The following ZDBF2 variants were observed in gnomAD, a reference collection of about 807,000 sequenced individuals.
ZDBF2 encodes DBF4-type zinc finger-containing protein 2.
ZDBF2 carries 6 observed loss-of-function variants against 9.4 expected under a neutral mutation model. The observed-to-expected ratio is 0.64, with a 90% CI of 0.35 to 1.27. The LOEUF (loss-of-function observed/expected upper bound fraction) is 1.27, where lower values mean the gene tolerates loss of function less well. Ranked by LOEUF, ZDBF2 falls within the 50% of genes most tolerant of loss-of-function variation. The probability of loss-of-function intolerance (pLI) is 0.03; values close to 1 mark genes in which losing one functional copy is unlikely to be tolerated. For synonymous variants in ZDBF2, 905 were observed against 946.3 expected (o/e 0.96, Z 0.80); for missense variants, 2,697 against 2,766.8 (o/e 0.97, Z 0.57).
intron 3 of ZDBF2, among the ~76,000 whole-genome samples, chr2:206,286,569 A>T (rs373694000): frequency 6.6e-6 from 1 of 151,952 alleles, no homozygotes; most frequent in African/African-American, 2.4e-5. Context: ...TCTTAAAAAA[A>T]AAAAAATAAA....
intron 3 of ZDBF2, among the ~76,000 whole-genome samples, chr2:206,284,023 G>A (rs1020918087): frequency 2.0e-5 from 3 of 152,060 alleles, no homozygotes; most frequent in Non-Finnish European, 4.4e-5. Flanking sequence ...TTGCTGTTTT[G>A]CTTATGTTTT....
intron 3 of ZDBF2, among the ~76,000 whole-genome samples, chr2:206,293,955 T>C (rs1692033716): frequency 6.6e-6 from 1 of 152,144 alleles, no homozygotes; most frequent in African/African-American, 2.4e-5. Flanking sequence ...AGGTTCTTCA[T>C]AGTATTATTA....
intron 3 of ZDBF2, among the ~76,000 whole-genome samples, chr2:206,294,936 C>G (rs148207622): frequency 6.6e-6 from 1 of 152,084 alleles, no homozygotes; most frequent in African/African-American, 2.4e-5. Context: ...GCATTTGTCC[C>G]CTTTAATCAC....
intron 4 of ZDBF2, among the ~76,000 whole-genome samples, chr2:206,301,145 C>G (rs1239351205): frequency 4.6e-5 from 7 of 151,966 alleles, no homozygotes; most frequent in Non-Finnish European, 8.8e-5. Flanking sequence ...ATATTTTATT[C>G]TATGATATGT....
Position 206,310,697 on chromosome 2 carries a change from A to G in ZDBF2, c.6169A>G (p.Ile2057Val), listed in dbSNP as rs1385595242. Reference sequence around the variant, plus strand: ...TATCTTTGATTATTATGAGCCCTTGATTAAGCAAATTGTAATTAGTCCTCC... The same window carrying G: ...TATCTTTGATTATTATGAGCCCTTGGTTAAGCAAATTGTAATTAGTCCTCC... ...RNIFDYYEPL[I>V]KQIVISPPLS... The change falls in exon 5 of 5, where the codon ATT (isoleucine) becomes GTT (valine). Residue 2057 changes from isoleucine (I) to valine (V), a missense_variant. Around this residue, in one of 3 missense-constraint regions of ZDBF2, gnomAD observed 1,783 missense variants for 1,776.5 expected, o/e 1.00. Transcript: ENST00000374423. The G allele has an allele frequency of 3.7e-6, 6 of 1,613,372 alleles. No homozygotes were observed. Among genetic ancestry groups the G allele is most frequent in the East Asian group, 2.2e-5 (1 of 44,882 alleles).
intron 3 of ZDBF2, among the ~76,000 whole-genome samples, chr2:206,288,926 A>G (rs985232462): frequency 2.6e-5 from 4 of 152,006 alleles, no homozygotes; most frequent in African/African-American, 9.7e-5. Flanking sequence ...GGGACTCAGC[A>G]GCAGCAGATA....
In ZDBF2 at chr2:206,309,060, A is replaced by G. The variant is rs1447906045; in HGVS notation, c.4532A>G (p.Asn1511Ser). The G allele has an allele frequency of 1.9e-6, 3 of 1,613,864 alleles. No homozygotes were observed. The highest frequency in any genetic ancestry group is 2.5e-6 in the Non-Finnish European group (3 of 1,179,846). The part of the protein sequence containing the change: ...DSDVPFQIVV[N>S]QFPGSVKETH... ...GATGTTCCTTTTCAAATAGTAGTTA[A>G]CCAATTTCCAGGATCAGTCAAAGAA... is the stretch of plus-strand genomic sequence containing the variant. The change falls in exon 5 of 5, where the codon AAC becomes AGC. Residue 1511 changes from asparagine to serine, a missense_variant. Transcript: ENST00000374423.
chr2:206,293,658 A>G (rs1692015903), intron 3 of ZDBF2, among the ~76,000 whole-genome samples: 3 of 152,218 alleles, frequency 2.0e-5, no homozygotes, highest in African/African-American at 7.2e-5. Flanking sequence ...CCAGATGGCT[A>G]GTAAATATGA....
rs527884744 is a variant in ZDBF2, at chr2:206,290,410, G to A, written c.61-6836G>A. On this transcript the variant is annotated intron_variant, in intron 3 of 4. Coordinates refer to ENST00000374423, the MANE Select transcript of ZDBF2 (RefSeq NM_020923.3). ...AGAAAAGCAGCTGGAATTCTGATAG[G>A]GATTGTGTTGAATCTGTAGATACAT... is the stretch of plus-strand genomic sequence containing the variant. Among the ~76,000 whole-genome samples the A allele has an allele frequency of 2.6e-4, 39 of 152,188 alleles. No individual in the cohort carries two copies. The East Asian group carries it at 7.3e-3, about 29-fold the overall frequency.
At chr2:206,296,547 T>A (rs762081236) in intron 3 of ZDBF2, among the ~76,000 whole-genome samples, 34 of 152,214 alleles carry the variant, frequency 2.2e-4, no homozygotes, top group Non-Finnish European at 3.8e-4. Flanking sequence ...GAAAAACATA[T>A]ATAGGTTTGG....
At chr2:206,277,567 A>C (rs968004093) in intron 1 of ZDBF2, among the ~76,000 whole-genome samples, 1 of 152,124 alleles carries the variant, frequency 6.6e-6, no homozygotes, top group African/African-American at 2.4e-5. Flanking sequence ...TTAACTGGGT[A>C]TGACATTGGG....
chr2:206,286,768 C>T (rs556894951), intron 3 of ZDBF2, among the ~76,000 whole-genome samples: 3 of 152,158 alleles, frequency 2.0e-5, no homozygotes, highest in African/African-American at 4.8e-5. Context: ...TTTTTAAAAT[C>T]GATTCAGCCC....
At chr2:206,277,605 C>T (rs1691087365) in intron 1 of ZDBF2, among the ~76,000 whole-genome samples, 1 of 151,632 alleles carries the variant, frequency 6.6e-6, no homozygotes, top group Non-Finnish European at 1.5e-5. Context: ...GATGATAATT[C>T]TGCTCTCAGA....
rs371303388 is a variant in ZDBF2 at position 206,306,738 on chromosome 2, A to G, written c.2210A>G (p.Asp737Gly). The G allele has an allele frequency of 1.2e-6, 2 of 1,613,704 alleles. No homozygotes were observed. Among genetic ancestry groups the G allele is most frequent in the Non-Finnish European group, 1.7e-6 (2 of 1,179,796 alleles). Reference protein sequence around the residue: ...DEVNLKELNIDMEVRSYDCSS... With the variant: ...DEVNLKELNIGMEVRSYDCSS... ...GTAAATCTTAAAGAGTTAAATATTG[A>G]CATGGAAGTTAGGAGCTATGATTGC... Residue 737 changes from aspartate to glycine, a missense_variant, in exon 5 of 5, where the codon GAC becomes GGC. By Grantham distance (94) the Asp-to-Gly change is moderately conservative (BLOSUM62 -1). This residue lies in a region of ZDBF2 where 910 missense variants were observed against 973.6 expected (regional missense o/e 0.93). Transcript: ENST00000374423.
At chr2:206,279,178 A>C (rs748526867) in intron 1 of ZDBF2, among the ~76,000 whole-genome samples, 1 of 152,294 alleles carries the variant, frequency 6.6e-6, no homozygotes, top group East Asian at 1.9e-4. Flanking sequence ...GTGGTACCTG[A>C]GCCTCGGGAA....
rs752630636 is a variant in ZDBF2, at chr2:206,308,362, C to G, written c.3834C>G (p.Val1278=). The stretch of plus-strand genomic sequence containing the variant: ...ATGTTGACTTGGAAAATAAGATTGT[C>G]AAACCTACAGATTCCAGAATAAATT... ...KEHVDLENKI[V]KPTDSRINFD... Residue 1278 remains valine, a synonymous_variant, in exon 5 of 5, where the codon GTC becomes GTG. Coordinates refer to ENST00000374423, the MANE Select transcript of ZDBF2 (RefSeq NM_020923.3). 3 of 1,612,802 alleles carry G rather than the reference C, an allele frequency of 1.9e-6. No individual in the cohort carries two copies. The highest frequency in any genetic ancestry group is 3.3e-5 in the Admixed American group (2 of 59,804).
At chr2:206,276,440 A>C (rs1448220178) in intron 1 of ZDBF2, among the ~76,000 whole-genome samples, 1 of 152,234 alleles carries the variant, frequency 6.6e-6, no homozygotes, top group African/African-American at 2.4e-5. Context: ...CAAATGAGCA[A>C]GATGCAATTA....
chr2:206,307,752 C>A lies in ZDBF2; in HGVS notation c.3224C>A (p.Ser1075Ter). 1.2e-6 allele frequency: 2 copies of A among 1,612,554 alleles called. No homozygotes were observed. The highest frequency in any genetic ancestry group is 1.1e-5 in the South Asian group (1 of 90,582). ...AATCTGAAGGACAAAAACAGTAAAT[C>A]AGGTGATTCTAAAATAACTTTTGAT... ...HVNLKDKNSK[S>*]GDSKITFDSE... The change falls in exon 5 of 5, where the codon TCA (serine) becomes TAA (stop). Residue 1075 changes from serine (S) to a stop codon, truncating the protein, a stop_gained. Transcript: ENST00000374423. LOFTEE classifies it low-confidence loss of function (END_TRUNC).
rs780183589 is a variant in ZDBF2, at chr2:206,307,107, T to C, written c.2579T>C (p.Leu860Ser). The change falls in exon 5 of 5, where the codon TTA (leucine) becomes TCA (serine). Residue 860 changes from leucine to serine, a missense_variant. Leu to Ser is a moderately radical substitution (Grantham distance 145). Transcript: ENST00000374423. ...EVIQKEEYIHLERKNDEPSGS... is the reference protein window; with the variant it reads ...EVIQKEEYIHSERKNDEPSGS... ...ATTCAGAAAGAAGAGTACATTCACT[T>C]AGAAAGGAAGAATGATGAACCCAGT... The C allele has an allele frequency of 3.1e-6, 5 of 1,611,974 alleles. No individual in the cohort carries two copies. Among genetic ancestry groups the C allele is most frequent in the Non-Finnish European group, 4.2e-6 (5 of 1,179,306 alleles).
Sources: gnomAD v4.1 joint callset for allele counts (sites outside exome capture counted in the v4.1 genomes callset) on GRCh38, gnomAD v4.1.1 for gene constraint, gnomAD v4.1.1 regional missense constraint, MANE v1.5 for transcripts, NCBI Gene and HGNC (gene_info 2026-07-23, HGNC 2026-07-21) for gene names.